Variants in LRRC56 observed in about 807,000 individuals in gnomAD.
The protein encoded by LRRC56 is leucine-rich repeat-containing protein 56.
LRRC56 carries 41 observed loss-of-function variants against 47.8 expected under a neutral mutation model. The observed-to-expected ratio is 0.86, with a 90% CI of 0.67 to 1.11. The LOEUF (loss-of-function observed/expected upper bound fraction) is 1.11, where lower values mean the gene tolerates loss of function less well. LRRC56 is among the 50% of genes most tolerant of loss of function. The pLI is 0.00. For synonymous variants in LRRC56, 387 were observed against 311.2 expected, an observed-to-expected ratio of 1.24 and a Z score of -2.56; for missense variants, 759 against 704.2, an observed-to-expected ratio of 1.08 and a Z score of -0.88.
chr11:507,569 G>C, the LRRC56 span, among the ~76,000 whole-genome samples: 3 of 152,186 alleles, frequency 2.0e-5, no homozygotes, highest in African/African-American at 7.2e-5. Flanking sequence ...GGAAGAGGCC[G>C]GGGCCCGGTG....
chr11:554,155 A>T lies in LRRC56; in HGVS notation c.1508A>T (p.Glu503Val), dbSNP rs1450210947. ...VAAVPVLRAL[E>V]VASRLSPRAQ... ...GCAGTGCCTGTCCTGAGAGCCCTGG[A>T]GGTGGCCTCACGCCTGAGCCCTCGA... Residue 503 changes from glutamate (E) to valine (V), a missense_variant, in exon 14 of 14, where the codon GAG (glutamate) becomes GTG (valine). By Grantham distance (121) the Glu-to-Val change is moderately radical (BLOSUM62 -2). Coordinates refer to ENST00000270115, the MANE Select transcript of LRRC56 (RefSeq NM_198075.4). The T allele has an allele frequency of 6.3e-7, 1 of 1,597,864 alleles. No individual in the cohort carries two copies. The highest frequency in any genetic ancestry group is 8.5e-7 in the Non-Finnish European group (1 of 1,174,280).
At chr11:548,016 C>A (rs1218271472) in intron 6 of LRRC56, among the ~76,000 whole-genome samples, 2 of 151,902 alleles carry the variant, frequency 1.3e-5, no homozygotes, top group Non-Finnish European at 1.5e-5. Context: ...ATCACAGCTA[C>A]TCGGGAGGCT....
At chr11:509,166 G>C in the LRRC56 span, among the ~76,000 whole-genome samples, 4 of 152,148 alleles carry the variant, frequency 2.6e-5, no homozygotes. Context: ...TCCTGCACAC[G>C]TGAGCTTGGT....
the LRRC56 span, among the ~76,000 whole-genome samples, chr11:531,810 G>A: frequency 6.6e-6 from 1 of 152,226 alleles, no homozygotes; most frequent in African/African-American, 2.4e-5. Context: ...CTGGGCATGT[G>A]AAGGCCCAGG....
intron 8 of LRRC56, 33 bp downstream of exon 8, chr11:550,305 A>G: frequency 6.7e-7 from 1 of 1,491,310 alleles, no homozygotes; most frequent in Non-Finnish European, 8.9e-7. Context: ...CAGCATGTGC[A>G]TGGCCAGGAG....
At chr11:539,242 G>A (rs1005922695) in intron 2 of LRRC56, among the ~76,000 whole-genome samples, 15 of 151,868 alleles carry the variant, frequency 9.9e-5, no homozygotes, top group Non-Finnish European at 1.8e-4. Context: ...CACCACGCCT[G>A]GCTAACTATG....
At chr11:530,475 G>A in the LRRC56 span, among the ~76,000 whole-genome samples, 385 of 124,912 alleles carry the variant, frequency 3.1e-3, 1 homozygote, top group Non-Finnish European at 4.6e-3. Context: ...AGAGAAGGGC[G>A]AGTGTGGCGT....
At chr11:544,616 C>T (rs1020840820) in intron 5 of LRRC56, 104 bp from the exon 6 acceptor site, 57 of 1,203,558 alleles carry the variant, frequency 4.7e-5, no homozygotes, top group Non-Finnish European at 1.7e-5. Context: ...GGCTGGCCCA[C>T]GAGCAGTGAG....
the LRRC56 span, among the ~76,000 whole-genome samples, chr11:521,299 T>C: frequency 6.6e-6 from 1 of 152,188 alleles, no homozygotes; most frequent in Non-Finnish European, 1.5e-5. Flanking sequence ...TCAGGCATAC[T>C]TCCGCTTGGT....
the LRRC56 span, among the ~76,000 whole-genome samples, chr11:513,277 C>G: frequency 7.2e-5 from 11 of 152,148 alleles, no homozygotes; most frequent in Non-Finnish European, 1.2e-4. Flanking sequence ...CTCAGCCACC[C>G]GAGTAGCTGG....
At chr11:517,749 GAA>G in the LRRC56 span, among the ~76,000 whole-genome samples, 2 of 152,110 alleles carry the variant, frequency 1.3e-5, no homozygotes, top group African/African-American at 4.8e-5. Context: ...GTGGGGAAAA[GAA>G]AGAGAGGTCA....
the LRRC56 span, among the ~76,000 whole-genome samples, chr11:524,768 T>C: frequency 6.6e-6 from 1 of 152,100 alleles, no homozygotes; most frequent in Non-Finnish European, 1.5e-5. Context: ...AGACCTATGA[T>C]CCATTTTGAG....
Position 553,965 on chromosome 11 carries a change from C to G in LRRC56, c.1318C>G (p.Pro440Ala). ...PSSPPSLASE[P>A]SGTSSQHLVP... ...CCATCACTCTGCTTGCTTTCTAGAGCCCTCCGGGACCTCGAGCCAGCACCT... is the reference window on the plus strand; with the variant it reads ...CCATCACTCTGCTTGCTTTCTAGAGGCCTCCGGGACCTCGAGCCAGCACCT... Residue 440 changes from proline (P) to alanine (A), a missense_variant and splice_region_variant, in exon 14 of 14, where the codon CCC (proline) becomes GCC (alanine). Pro to Ala is a conservative substitution (Grantham distance 27). Transcript: ENST00000270115. 1 of 1,610,010 alleles carries G rather than the reference C, an allele frequency of 6.2e-7. No individual in the cohort carries two copies. Among genetic ancestry groups the G allele is most frequent in the Non-Finnish European group, 8.5e-7 (1 of 1,178,734 alleles).
chr11:533,835 G>A (rs1291306227), upstream of LRRC56: 1 of 1,613,264 alleles, frequency 6.2e-7, no homozygotes, highest in African/African-American at 1.3e-5. Context: ...GCCCTCCCCG[G>A]TGCGCATGTA....
intron 9 of LRRC56, 67 bp downstream of exon 9, chr11:551,369 C>T (rs1852379579): frequency 7.4e-6 from 8 of 1,082,646 alleles, no homozygotes; most frequent in Non-Finnish European, 1.1e-5. Flanking sequence ...GGCCCCCACC[C>T]CAGGCTTCTC....
upstream of LRRC56, chr11:533,675 C>T (rs994042792): frequency 3.7e-6 from 6 of 1,612,002 alleles, no homozygotes; most frequent in Admixed American, 8.3e-5. Flanking sequence ...CCAGGACATG[C>T]GCAGAGAGGA....
At chr11:529,068 C>G in the LRRC56 span, 5 of 152,276 alleles carry the variant, frequency 3.3e-5, no homozygotes, top group African/African-American at 1.2e-4. Context: ...CAGCGGGTGC[C>G]TGTTCCACAC....
Position 549,882 on chromosome 11 carries a change from C to G in LRRC56, c.327-20C>G. On this transcript the variant is annotated intron_variant, in intron 6 of 13. Coordinates refer to ENST00000270115, the MANE Select transcript of LRRC56 (RefSeq NM_198075.4). ...CACAGGGCTGGGCACATGTTGACCA[C>G]CAAACCCTGCCTTCTGCAGGGACTT... 6.2e-7 allele frequency: 1 copy of G among 1,609,802 alleles called. No individual in the cohort carries two copies. Among genetic ancestry groups the G allele is most frequent in the Non-Finnish European group, 8.5e-7 (1 of 1,177,436 alleles).
At chr11:518,845 C>T in the LRRC56 span, among the ~76,000 whole-genome samples, 1 of 151,884 alleles carries the variant, frequency 6.6e-6, no homozygotes, top group African/African-American at 2.4e-5. Flanking sequence ...CCGCCCCGAA[C>T]GCGCGAGCGA....
Sources: allele counts gnomAD v4.1 joint callset (sites outside exome capture counted in the v4.1 genomes callset), GRCh38; gene constraint gnomAD v4.1.1; transcripts MANE v1.5; gene names NCBI Gene and HGNC (gene_info 2026-07-23, HGNC 2026-07-21).